Variants in UAP1 observed in about 807,000 individuals in gnomAD.
The protein encoded by UAP1 is UDP-N-acetylglucosamine pyrophosphorylase 1.
In UAP1, 25 loss-of-function variants were observed where a neutral mutation model predicts 58.5. The observed-to-expected ratio is 0.43, with a 90% CI of 0.31 to 0.60. UAP1 has a LOEUF of 0.60. UAP1 is among the 20% of genes least tolerant of loss of function. UAP1 has a pLI of 0.11. For synonymous variants in UAP1, 208 were observed against 213.0 expected, an observed-to-expected ratio of 0.98 and a Z score of 0.21; for missense variants, 575 against 630.0, an observed-to-expected ratio of 0.91 and a Z score of 0.93.
intron 7 of UAP1, among the ~76,000 whole-genome samples, chr1:162,589,431 G>A (rs2101821891): frequency 6.7e-6 from 1 of 149,580 alleles, no homozygotes; most frequent in South Asian, 2.1e-4. Flanking sequence ...GGGATTATAG[G>A]CTTGAGCCAC....
rs76298486 is a variant in UAP1 at position 162,594,552 on chromosome 1, A to G, written c.1409+1770A>G. Among the ~76,000 whole-genome samples the G allele has an allele frequency of 2.9e-3, 441 of 152,234 alleles. 1 individual carries two copies. The highest frequency in any genetic ancestry group is 1.0e-2 in the African/African-American group (414 of 41,546). On this transcript the variant is annotated intron_variant, in intron 9 of 10. Coordinates refer to ENST00000271469, the Ensembl canonical transcript of UAP1. Reference sequence around the variant, plus strand: ...TGACTGTTGTCTCTCCTGCCTTGGGAACTGGGATGCAGAGCCCTTTATCAC... The same window carrying G: ...TGACTGTTGTCTCTCCTGCCTTGGGGACTGGGATGCAGAGCCCTTTATCAC...
At chr1:162,563,432 T>A (rs1224121620) in intron 1 of UAP1, among the ~76,000 whole-genome samples, 1 of 152,100 alleles carries the variant, frequency 6.6e-6, no homozygotes, top group African/African-American at 2.4e-5. Flanking sequence ...TGGCGTGATG[T>A]CGGCTTACTA....
In UAP1 at chr1:162,576,952, ATAT is replaced by A. The variant is rs1212185079; in HGVS notation, c.460_462del (p.Tyr154del). ...TGAAGCTACAGCAGGTTGCTGAAAA[ATAT>A]TATGGCAACAAATGCATTATTCCAT... is the stretch of plus-strand genomic sequence containing the variant. On this transcript the variant is annotated inframe_deletion, in exon 3 of 11. Coordinates refer to ENST00000271469, the Ensembl canonical transcript of UAP1. 4.3e-6 allele frequency: 7 copies of A among 1,614,200 alleles called. No homozygotes were observed. The South Asian group carries it at 5.5e-5, about 13-fold the overall frequency.
intron 10 of UAP1, among the ~76,000 whole-genome samples, chr1:162,598,861 A>G (rs1275066427): frequency 6.6e-6 from 1 of 152,136 alleles, no homozygotes; most frequent in African/African-American, 2.4e-5. Flanking sequence ...TAAAAAATAC[A>G]AAAACTTAGA....
chr1:162,582,155 T>G (rs1446417235), intron 5 of UAP1, among the ~76,000 whole-genome samples: 1 of 152,206 alleles, frequency 6.6e-6, no homozygotes, highest in East Asian at 1.9e-4. Context: ...CTAAAAATAC[T>G]GATATAAACA....
At chr1:162,577,115 T>A in intron 3 of UAP1, 134 bp downstream of exon 3, 1 of 895,516 alleles carries the variant, frequency 1.1e-6, no homozygotes, top group East Asian at 2.6e-5. Flanking sequence ...TAATTTACTA[T>A]ATATGTTAAA....
rs960878133 is a variant in UAP1 at position 162,566,458 on chromosome 1, G to A, written c.280+110G>A. 3.0e-5 allele frequency: 35 copies of A among 1,153,908 alleles called. No individual in the cohort carries two copies. The South Asian group carries it at 4.9e-4, about 16-fold the overall frequency. The allele number at this position is 1,153,908 out of a possible 1,614,324, so 71.5% of individuals were successfully genotyped here. ...TTTGATTCATACTACATTAAACCAG[G>A]TGACCTAGCAGAAAGTGACAAAATT... On this transcript the variant is annotated intron_variant, in intron 2 of 10. Transcript: ENST00000271469.
chr1:162,566,077 T>G (rs1282499360), exon 2 of UAP1: 2 of 1,611,850 alleles, frequency 1.2e-6, no homozygotes, highest in East Asian at 2.2e-5. Context: ...TTATGAACAT[T>G]AATGACCTCA....
chr1:162,576,642 C>A, intron 2 of UAP1, 135 bp from the exon 3 acceptor site: 1 of 789,794 alleles, frequency 1.3e-6, no homozygotes, highest in Non-Finnish European at 2.0e-6. Flanking sequence ...TACCCAAAAT[C>A]AGCAAATGGC....
Position 162,570,318 on chromosome 1 carries a change from T to G in UAP1, c.280+3970T>G, listed in dbSNP as rs533328952. ...GCATATATTGGGATTGTGTATAGTT[T>G]TGTAGCCTGCACAAGAATTTATCAT... On this transcript the variant is annotated intron_variant, in intron 2 of 10. Transcript: ENST00000271469. Among the ~76,000 whole-genome samples, 26 of 152,322 alleles carry G rather than the reference T, an allele frequency of 1.7e-4. 1 individual carries two copies. The highest frequency in any genetic ancestry group is 3.4e-3 in the Middle Eastern group (1 of 294).
At chr1:162,591,990 G>T (rs1183640300) in intron 8 of UAP1, among the ~76,000 whole-genome samples, 1 of 152,184 alleles carries the variant, frequency 6.6e-6, no homozygotes, top group East Asian at 1.9e-4. Flanking sequence ...CTGGCACCTA[G>T]AATTTCCCTT....
chr1:162,562,635 A>G (rs1017918988), intron 1 of UAP1: 2 of 152,162 alleles, frequency 1.3e-5, no homozygotes, highest in African/African-American at 4.8e-5. Flanking sequence ...GCAAAAGTTT[A>G]AGGACTTTTA....
chr1:162,585,966 C>G (rs959684090), intron 5 of UAP1, among the ~76,000 whole-genome samples: 1 of 152,212 alleles, frequency 6.6e-6, no homozygotes, highest in African/African-American at 2.4e-5. Context: ...GTTTAATCTA[C>G]TTCCTCGGTA....
chr1:162,575,495 A>G (rs1249206722), intron 2 of UAP1, among the ~76,000 whole-genome samples: 9 of 145,512 alleles, frequency 6.2e-5, no homozygotes, highest in South Asian at 4.4e-4. Flanking sequence ...GCAGTGGTGC[A>G]GTCTTAGCTC....
exon 3 of UAP1, chr1:162,576,872 G>A: frequency 6.2e-7 from 1 of 1,614,152 alleles, no homozygotes; most frequent in Non-Finnish European, 8.5e-7. Flanking sequence ...GGGGATGTAT[G>A]ATGTTGGTTT....
At chr1:162,595,226 G>T (rs1655548030) in intron 9 of UAP1, among the ~76,000 whole-genome samples, 1 of 152,076 alleles carries the variant, frequency 6.6e-6, no homozygotes, top group Non-Finnish European at 1.5e-5. Flanking sequence ...GTTTACTGAA[G>T]TTCACTCCTT....
intron 5 of UAP1, among the ~76,000 whole-genome samples, chr1:162,586,122 T>G: frequency 6.6e-6 from 1 of 152,204 alleles, no homozygotes; most frequent in Non-Finnish European, 1.5e-5. Context: ...AAGTTCTCAA[T>G]AGTGGCTTTA....
chr1:162,570,021 T>C (rs1307828351), intron 2 of UAP1, among the ~76,000 whole-genome samples: 1 of 151,936 alleles, frequency 6.6e-6, no homozygotes, highest in African/African-American at 2.4e-5. Flanking sequence ...TGGTGGCAGG[T>C]GCTTGTAGTC....
chr1:162,591,785 CA>C (rs1655326054), intron 8 of UAP1, among the ~76,000 whole-genome samples: 1 of 149,200 alleles, frequency 6.7e-6, no homozygotes, highest in South Asian at 2.1e-4. Flanking sequence ...CATGTCTGGC[CA>C]ATCTTTTTTT....
Sources: gnomAD v4.1 joint callset for allele counts (sites outside exome capture counted in the v4.1 genomes callset) on GRCh38, gnomAD v4.1.1 for gene constraint, MANE v1.5 for transcripts, NCBI Gene and HGNC (gene_info 2026-07-23, HGNC 2026-07-21) for gene names.